Variants in SORD observed in about 807,000 individuals in gnomAD.
SORD encodes the protein (R,R)-butanediol dehydrogenase.
SORD carries 18 observed loss-of-function variants against 35.6 expected under a neutral mutation model. The ratio of observed to expected loss-of-function variants is 0.51; its 90% CI spans 0.35 to 0.75. The LOEUF (loss-of-function observed/expected upper bound fraction) is 0.75, where lower values mean the gene tolerates loss of function less well. Among genes scored for constraint, SORD ranks in the 30% least tolerant of loss-of-function variants. The pLI is 0.01. For missense variants in SORD, 250 were observed against 390.2 expected (o/e 0.64, Z 3.03); for synonymous variants, 106 against 152.9 (o/e 0.69, Z 2.26).
chr15:45,061,646 T>TA (rs945933238), intron 4 of SORD, among the ~76,000 whole-genome samples: 6 of 151,890 alleles, frequency 4.0e-5, no homozygotes, highest in African/African-American at 1.4e-4. Context: ...GGCCAGTGGA[T>TA]CATGAGATTA....
chr15:45,065,325 G>A lies in SORD; in HGVS notation c.480G>A (p.Val160=). Residue 160 remains valine (V), a synonymous_variant, in exon 5 of 9, where the codon GTG becomes GTA. Coordinates refer to ENST00000267814, the MANE Select transcript of SORD (RefSeq NM_003104.6). The stretch of plus-strand genomic sequence containing the variant: ...GCGCCCTGATCGAGCCACTTTCTGT[G>A]GGGATCCATGCCTGCAGGAGAGGCG... The part of the protein sequence containing the change: ...EEGALIEPLS[V]GIHACRRGGV... The A allele has an allele frequency of 6.2e-7, 1 of 1,613,960 alleles. No homozygotes were observed. The highest frequency in any genetic ancestry group is 8.5e-7 in the Non-Finnish European group (1 of 1,179,888).
chr15:45,049,972 G>A (rs1253187520), intron 3 of SORD, among the ~76,000 whole-genome samples: 2 of 152,156 alleles, frequency 1.3e-5, no homozygotes, highest in African/African-American at 4.8e-5. Flanking sequence ...ATAAACTTTA[G>A]TCTTATACTT....
chr15:45,062,560 G>C (rs1893336627), intron 4 of SORD, among the ~76,000 whole-genome samples: 1 of 151,746 alleles, frequency 6.6e-6, no homozygotes, highest in African/African-American at 2.4e-5. Flanking sequence ...GTTTTTCTAG[G>C]GCCCACTGGG....
Position 45,073,356 on chromosome 15 carries a change from C to G in SORD, c.909-9C>G, listed in dbSNP as rs200452302. On this transcript the variant is annotated splice_polypyrimidine_tract_variant and intron_variant, in intron 8 of 8. Transcript: ENST00000267814. Reference sequence around the variant, plus strand: ...GAAGGTTGAATATAATGCTCGTGCTCTTTTACAGGTGGCCAGTGGCGATTT... The same window carrying G: ...GAAGGTTGAATATAATGCTCGTGCTGTTTTACAGGTGGCCAGTGGCGATTT... 1.5e-6 allele frequency: 2 copies of G among 1,334,608 alleles called. No individual in the cohort carries two copies. Among genetic ancestry groups the G allele is most frequent in the Non-Finnish European group, 2.0e-6 (2 of 987,564 alleles). The allele number at this position is 1,334,608 out of a possible 1,614,324, so 82.7% of individuals were successfully genotyped here. A position where few individuals can be genotyped will look rare whatever the true frequency, so the allele number is the denominator to read the frequency against.
At chr15:45,049,057 A>G (rs942670530) in intron 3 of SORD, among the ~76,000 whole-genome samples, 8 of 152,190 alleles carry the variant, frequency 5.3e-5, no homozygotes, top group African/African-American at 1.9e-4. Flanking sequence ...ATGCCTGAAA[A>G]GGGGAGGAAA....
At chr15:45,030,271 A>G (rs114173672) in intron 1 of SORD, among the ~76,000 whole-genome samples, 31,080 of 150,594 alleles carry the variant, frequency 0.21, no homozygotes, top group African/African-American at 0.44. Context: ...TTACCATTCC[A>G]TAAAAGCAGC....
intron 1 of SORD, among the ~76,000 whole-genome samples, chr15:45,035,664 G>A (rs567283256): frequency 7.2e-5 from 11 of 152,072 alleles, no homozygotes; most frequent in African/African-American, 2.2e-4. Context: ...TTGTTCTTTC[G>A]CTCTTTGCAA....
At chr15:45,040,527 T>G (rs1294946408) in intron 2 of SORD, 86 bp downstream of exon 2, 1 of 1,017,128 alleles carries the variant, frequency 9.8e-7, no homozygotes, top group Non-Finnish European at 1.5e-6. Flanking sequence ...CTTACCTCTC[T>G]TTTCCAACTG....
chr15:45,067,547 T>C (rs1214918410), intron 5 of SORD, among the ~76,000 whole-genome samples: 11 of 152,188 alleles, frequency 7.2e-5, no homozygotes, highest in East Asian at 1.9e-4. Context: ...CCCCCAAAGA[T>C]AGTCTGCATT....
intron 1 of SORD, among the ~76,000 whole-genome samples, chr15:45,028,848 C>T (rs1343729146): frequency 6.6e-6 from 1 of 152,178 alleles, no homozygotes; most frequent in Admixed American, 6.5e-5. Flanking sequence ...TTCAAAATGT[C>T]TATACTTTAC....
intron 1 of SORD, among the ~76,000 whole-genome samples, chr15:45,036,980 T>A (rs1443397611): frequency 1.3e-5 from 2 of 152,216 alleles, no homozygotes; most frequent in Non-Finnish European, 2.9e-5. Flanking sequence ...AACCATGCTG[T>A]AATAACTTTC....
intron 2 of SORD, chr15:45,041,831 G>C (rs1044359917): frequency 5.9e-5 from 9 of 152,146 alleles, no homozygotes; most frequent in South Asian, 2.1e-4. Flanking sequence ...GCATTGGAAG[G>C]GAAAAGAGTG....
chr15:45,029,244 G>A (rs2141262650), intron 1 of SORD, among the ~76,000 whole-genome samples: 1 of 152,384 alleles, frequency 6.6e-6, no homozygotes, highest in Non-Finnish European at 1.5e-5. Context: ...ATTAAATCCA[G>A]TAAACACTCC....
chr15:45,034,129 T>G lies in SORD; in HGVS notation c.67-6279T>G, dbSNP rs576550420. ...GTGAACTAATTATGGAAAAAGAACTTTGATTTTACTTCTTTTGTAATAAGA... is the reference window on the plus strand; with the variant it reads ...GTGAACTAATTATGGAAAAAGAACTGTGATTTTACTTCTTTTGTAATAAGA... On this transcript the variant is annotated intron_variant, in intron 1 of 8. Coordinates refer to ENST00000267814, the MANE Select transcript of SORD (RefSeq NM_003104.6). 4.6e-5 allele frequency among the ~76,000 whole-genome samples: 7 copies of G among 151,692 alleles called. No individual in the cohort carries two copies. In the South Asian group the frequency reaches 8.4e-4, roughly 18 times the overall value.
At chr15:45,023,712 C>T (rs1476667287) in intron 1 of SORD, among the ~76,000 whole-genome samples, 1 of 152,210 alleles carries the variant, frequency 6.6e-6, no homozygotes, top group South Asian at 2.1e-4. Context: ...TCTGAATTAT[C>T]GGGGCAGACC....
intron 1 of SORD, among the ~76,000 whole-genome samples, chr15:45,030,945 G>A (rs1409914707): frequency 6.6e-6 from 1 of 152,238 alleles, no homozygotes. Context: ...GAGCCCAGAG[G>A]TTTCACAATA....
intron 4 of SORD, among the ~76,000 whole-genome samples, chr15:45,062,779 G>C (rs1196229268): frequency 7.5e-6 from 1 of 132,762 alleles, no homozygotes; most frequent in African/African-American, 2.6e-5. Flanking sequence ...GAAGCCCACT[G>C]GTCTCTGCCA....
intron 3 of SORD, chr15:45,060,857 C>T (rs1340054439): frequency 1.9e-6 from 2 of 1,071,702 alleles, no homozygotes; most frequent in Admixed American, 2.7e-5. Context: ...CAAGTTTCCT[C>T]ACTTGCCTAG....
intron 3 of SORD, among the ~76,000 whole-genome samples, chr15:45,049,894 A>G (rs968296131): frequency 6.6e-6 from 1 of 152,240 alleles, no homozygotes; most frequent in African/African-American, 2.4e-5. Flanking sequence ...GTTTTGAAGC[A>G]TATTTTTCTC....
Sources: gnomAD v4.1 joint callset for allele counts (sites outside exome capture counted in the v4.1 genomes callset) on GRCh38, gnomAD v4.1.1 for gene constraint, MANE v1.5 for transcripts, NCBI Gene and HGNC (gene_info 2026-07-23, HGNC 2026-07-21) for gene names.